FNIP2: variants seen among roughly 807,000 people sequenced by gnomAD.
The protein encoded by FNIP2 is folliculin-interacting protein 2.
In FNIP2, 32 loss-of-function variants were observed where a neutral mutation model predicts 108.7. That is an observed-to-expected ratio of 0.29 (90% CI 0.22 to 0.40). FNIP2 has a LOEUF of 0.40. Among genes scored for constraint, FNIP2 ranks in the 10% least tolerant of loss-of-function variants. FNIP2 has a pLI of 1.00. For missense variants in FNIP2, 1,202 were observed against 1,381.6 expected, an observed-to-expected ratio of 0.87 and a Z score of 2.06; for synonymous variants, 480 against 496.7, an observed-to-expected ratio of 0.97 and a Z score of 0.45.
chr4:158,882,414 G>C (rs1157782432), intron 14 of FNIP2, among the ~76,000 whole-genome samples: 1 of 151,044 alleles, frequency 6.6e-6, no homozygotes, highest in East Asian at 2.0e-4. Context: ...ACCCCGTCCG[G>C]GAGGTGGGGG....
At chr4:158,873,552 C>A (rs1781085088) in intron 14 of FNIP2, among the ~76,000 whole-genome samples, 1 of 152,168 alleles carries the variant, frequency 6.6e-6, no homozygotes, top group Non-Finnish European at 1.5e-5. Context: ...GTTTTTCTCT[C>A]ATTGAGAGAT....
intron 1 of FNIP2, among the ~76,000 whole-genome samples, chr4:158,777,368 A>G (rs1437072937): frequency 6.6e-6 from 1 of 152,244 alleles, no homozygotes; most frequent in African/African-American, 2.4e-5. Context: ...TTGCATGTTA[A>G]ATGAAGTAAG....
At chr4:158,841,141 T>C (rs1779109533) in intron 7 of FNIP2, among the ~76,000 whole-genome samples, 1 of 152,072 alleles carries the variant, frequency 6.6e-6, no homozygotes, top group African/African-American at 2.4e-5. Flanking sequence ...ACTCACATAA[T>C]GAGGCTGTTC....
At chr4:158,806,634 C>T (rs1380972090) in intron 1 of FNIP2, among the ~76,000 whole-genome samples, 2 of 152,168 alleles carry the variant, frequency 1.3e-5, no homozygotes, top group African/African-American at 4.8e-5. Context: ...ACTATTGTGA[C>T]TTCACTACCC....
At chr4:158,873,744 T>A (rs1781096202) in intron 14 of FNIP2, among the ~76,000 whole-genome samples, 1 of 152,260 alleles carries the variant, frequency 6.6e-6, no homozygotes, top group Admixed American at 6.5e-5. Flanking sequence ...ATATACTACC[T>A]CTTTTCTGTC....
intron 15 of FNIP2, among the ~76,000 whole-genome samples, chr4:158,894,377 GC>G (rs1230868610): frequency 2.0e-5 from 3 of 151,934 alleles, no homozygotes; most frequent in Non-Finnish European, 4.4e-5. Context: ...TCACTATGTT[GC>G]CTAGGTTGGT....
chr4:158,821,915 C>G (rs1012574367), intron 1 of FNIP2, among the ~76,000 whole-genome samples: 10 of 152,222 alleles, frequency 6.6e-5, no homozygotes, highest in Non-Finnish European at 1.2e-4. Flanking sequence ...TGGTAAAACC[C>G]TCTCTCTACA....
At chr4:158,889,976 AGAAGCGTAG>A in intron 14 of FNIP2, 1 of 985,362 alleles carries the variant, frequency 1.0e-6, no homozygotes, top group South Asian at 4.7e-5. Flanking sequence ...TGCATGTGTA[AGAAGCGTAG>A]GGGTGAAAGG....
chr4:158,871,343 A>G, intron 14 of FNIP2: 2 of 964,674 alleles, frequency 2.1e-6, no homozygotes, highest in Non-Finnish European at 2.5e-6. Flanking sequence ...GCAATAGGGA[A>G]AGTCCTCATC....
intron 8 of FNIP2, among the ~76,000 whole-genome samples, chr4:158,855,237 A>C (rs1779917344): frequency 1.3e-5 from 2 of 152,144 alleles, no homozygotes; most frequent in Non-Finnish European, 2.9e-5. Context: ...TGTCCCATTA[A>C]ACTTCACTTA....
At chr4:158,889,554 G>T (rs1782182683) in intron 14 of FNIP2, among the ~76,000 whole-genome samples, 1 of 152,018 alleles carries the variant, frequency 6.6e-6, no homozygotes, top group Non-Finnish European at 1.5e-5. Context: ...TTGAACCTAG[G>T]GTCCAAATTA....
chr4:158,811,986 A>G (rs529645184), intron 1 of FNIP2, among the ~76,000 whole-genome samples: 39 of 152,344 alleles, frequency 2.6e-4, no homozygotes, highest in African/African-American at 9.1e-4. Context: ...CCTAAAAAGA[A>G]TATTGCCTCA....
At chr4:158,826,130 T>C in intron 2 of FNIP2, 88 bp downstream of exon 2, 1 of 1,487,134 alleles carries the variant, frequency 6.7e-7, no homozygotes, top group Non-Finnish European at 9.1e-7. Flanking sequence ...CATCTTCTCT[T>C]TGAGTTATAT....
intron 2 of FNIP2, among the ~76,000 whole-genome samples, chr4:158,826,971 CA>C (rs1778194847): frequency 6.6e-6 from 1 of 152,204 alleles, no homozygotes; most frequent in Admixed American, 6.5e-5. Flanking sequence ...TTTGTCTCAT[CA>C]GGGCCAAGGG....
intron 1 of FNIP2, among the ~76,000 whole-genome samples, chr4:158,789,666 A>G (rs1776339077): frequency 6.6e-6 from 1 of 152,262 alleles, no homozygotes; most frequent in Non-Finnish European, 1.5e-5. Context: ...AGTTCGGTTC[A>G]TGGAGGTTTG....
intron 1 of FNIP2, among the ~76,000 whole-genome samples, chr4:158,799,285 T>C (rs1038040722): frequency 6.6e-6 from 1 of 152,252 alleles, no homozygotes; most frequent in Non-Finnish European, 1.5e-5. Flanking sequence ...ATGTTATAGC[T>C]GTACATCCAA....
At chr4:158,786,845 C>T (rs1014607929) in intron 1 of FNIP2, among the ~76,000 whole-genome samples, 1 of 152,098 alleles carries the variant, frequency 6.6e-6, no homozygotes, top group African/African-American at 2.4e-5. Context: ...TTGTGATTCT[C>T]TCTTCATGAT....
intron 14 of FNIP2, among the ~76,000 whole-genome samples, chr4:158,883,804 C>A (rs776075393): frequency 9.2e-5 from 14 of 152,164 alleles, no homozygotes; most frequent in Admixed American, 3.9e-4. Context: ...TTCAGACCAT[C>A]ATTCACACTT....
At chr4:158,867,408 C>T (rs1226694367) in intron 12 of FNIP2, among the ~76,000 whole-genome samples, 1 of 152,086 alleles carries the variant, frequency 6.6e-6, no homozygotes, top group African/African-American at 2.4e-5. Context: ...GGCCAGGCTG[C>T]TCTCAAACTC....
Sources: allele counts gnomAD v4.1 joint callset (sites outside exome capture counted in the v4.1 genomes callset), GRCh38; gene constraint gnomAD v4.1.1; transcripts MANE v1.5; gene names NCBI Gene and HGNC (gene_info 2026-07-23, HGNC 2026-07-21).